NLGN4X: variants seen among roughly 807,000 people sequenced by gnomAD.
NLGN4X encodes neuroligin 4 X-linked.
NLGN4X carries 3 observed loss-of-function variants against 40.3 expected under a neutral mutation model. That is an observed-to-expected ratio of 0.07 (90% CI 0.03 to 0.19). The LOEUF (loss-of-function observed/expected upper bound fraction) is 0.19. Among genes scored for constraint, NLGN4X ranks in the 10% least tolerant of loss-of-function variants. The probability of loss-of-function intolerance (pLI) is 1.00; values close to 1 mark genes in which losing one functional copy is unlikely to be tolerated. For synonymous variants in NLGN4X, 270 were observed against 306.8 expected (o/e 0.88, Z 1.25); for missense variants, 382 against 708.3 (o/e 0.54, Z 5.23).
intron 3 of NLGN4X, among the ~76,000 whole-genome samples, chrX:5,942,315 C>T (rs867761521): frequency 3.6e-5 from 4 of 110,141 alleles, no homozygotes; most frequent in Non-Finnish European, 5.7e-5. Flanking sequence ...GCAGTGGGGG[C>T]GAGCCACATC....
At chrX:6,170,367 C>G (rs756999746) in intron 1 of NLGN4X, among the ~76,000 whole-genome samples, 32 of 112,493 alleles carry the variant, frequency 2.8e-4, no homozygotes, top group African/African-American at 8.4e-4. Context: ...ACTGCCCAGT[C>G]TGCATTGCAG....
chrX:6,219,717 G>C (rs1401277811), intron 1 of NLGN4X, among the ~76,000 whole-genome samples: 1 of 109,035 alleles, frequency 9.2e-6, no homozygotes, highest in Admixed American at 1.0e-4. Context: ...TGAGTGACAA[G>C]GTCTCAGGGA....
intron 3 of NLGN4X, among the ~76,000 whole-genome samples, chrX:5,921,460 G>A (rs2033064718): frequency 9.6e-6 from 1 of 104,350 alleles, no homozygotes; most frequent in African/African-American, 3.5e-5. Context: ...GAGAGAGAGA[G>A]AGGCAGCCTA....
At chrX:6,097,492 T>C (rs1241099811) in intron 2 of NLGN4X, among the ~76,000 whole-genome samples, 2 of 111,438 alleles carry the variant, frequency 1.8e-5, no homozygotes, top group Non-Finnish European at 3.8e-5. Context: ...GAATACCCCC[T>C]TACCCTAAAC....
At chrX:6,140,008 G>A (rs1165138666) in intron 2 of NLGN4X, among the ~76,000 whole-genome samples, 1 of 111,655 alleles carries the variant, frequency 9.0e-6, no homozygotes, top group Non-Finnish European at 1.9e-5. Flanking sequence ...CAAATGGGAT[G>A]TTAGGTGAAT....
At chrX:6,111,167 C>A (rs930242241) in intron 2 of NLGN4X, among the ~76,000 whole-genome samples, 2 of 111,981 alleles carry the variant, frequency 1.8e-5, no homozygotes, top group African/African-American at 6.5e-5. Context: ...TAGATTCACT[C>A]AAGTGCAGAA....
At chrX:6,202,090 G>C (rs1252938486) in intron 1 of NLGN4X, among the ~76,000 whole-genome samples, 1 of 110,621 alleles carries the variant, frequency 9.0e-6, no homozygotes, top group Non-Finnish European at 1.9e-5. Flanking sequence ...GTTACTCAAA[G>C]CAGGAGCAAT....
chrX:6,104,024 A>AT lies in NLGN4X; in HGVS notation c.472+46970dup, dbSNP rs760893861. 1.1e-3 allele frequency among the ~76,000 whole-genome samples: 128 copies of AT among 111,941 alleles called. No homozygotes were observed. In the South Asian group the frequency reaches 0.016, roughly 14 times the overall value. On this transcript the variant is annotated intron_variant, in intron 2 of 5. Transcript: ENST00000381095. ...GTGTGATTTGCATAAGTGTGCATGCATTGTGTGTGTATGTGTGTGCACATA... is the reference window on the plus strand; with the variant it reads ...GTGTGATTTGCATAAGTGTGCATGCATTTGTGTGTGTATGTGTGTGCACATA...
chrX:6,138,163 AC>A (rs981229053), intron 2 of NLGN4X, among the ~76,000 whole-genome samples: 27 of 112,253 alleles, frequency 2.4e-4, no homozygotes, highest in Non-Finnish European at 4.9e-4. Context: ...AAAATATATT[AC>A]TTTTAAAATA....
At chrX:6,152,514 A>G (rs893018713) in intron 1 of NLGN4X, among the ~76,000 whole-genome samples, 1 of 112,019 alleles carries the variant, frequency 8.9e-6, no homozygotes, top group African/African-American at 3.2e-5. Context: ...GTTTTCCAGT[A>G]GGAGAAAGAT....
intron 3 of NLGN4X, among the ~76,000 whole-genome samples, chrX:5,920,603 T>C (rs763061166): frequency 9.0e-6 from 1 of 111,349 alleles, no homozygotes; most frequent in South Asian, 3.8e-4. Flanking sequence ...GTGGTAGGAG[T>C]GGGGATTTGA....
intron 2 of NLGN4X, among the ~76,000 whole-genome samples, chrX:6,086,498 A>C (rs751400421): frequency 7.1e-5 from 8 of 112,164 alleles, no homozygotes; most frequent in Non-Finnish European, 1.5e-4. Context: ...GGAACTTCTG[A>C]GATTCCTTGC....
chrX:5,973,238 GA>G (rs1308282457), intron 3 of NLGN4X, among the ~76,000 whole-genome samples: 1 of 112,329 alleles, frequency 8.9e-6, no homozygotes, highest in African/African-American at 3.2e-5. Flanking sequence ...TGTAAATACA[GA>G]TTTATTGGAA....
intron 2 of NLGN4X, among the ~76,000 whole-genome samples, chrX:6,122,029 C>A (rs2147581717): frequency 8.9e-6 from 1 of 112,294 alleles, no homozygotes; most frequent in African/African-American, 3.2e-5. Context: ...ATTCCTTCTC[C>A]TTCCCTAAGT....
chrX:6,131,207 TA>T (rs1010606216), intron 2 of NLGN4X, among the ~76,000 whole-genome samples: 13 of 109,035 alleles, frequency 1.2e-4, no homozygotes, highest in African/African-American at 2.3e-4. Context: ...ATTCATGCAT[TA>T]AAAAAAAAGA....
At chrX:6,082,061 T>C (rs2038361999) in intron 2 of NLGN4X, among the ~76,000 whole-genome samples, 1 of 112,402 alleles carries the variant, frequency 8.9e-6, no homozygotes, top group African/African-American at 3.2e-5. Context: ...ATTTTAATAA[T>C]ACATTGAATA....
At chrX:6,049,227 A>AAGGGGAAGGGAGGGGAGGGGAGGGG (rs1569207590) in intron 2 of NLGN4X, among the ~76,000 whole-genome samples, 1 of 9,585 alleles carries the variant, frequency 1.0e-4, no homozygotes. Context: ...CAGGCCAGGA[A>AAGGGGAAGGGAGGGGAGGGGAGGGG]AGGGGAGGGG....
At chrX:5,911,393 T>C (rs1175317089) in intron 3 of NLGN4X, among the ~76,000 whole-genome samples, 2 of 112,011 alleles carry the variant, frequency 1.8e-5, no homozygotes, top group Non-Finnish European at 3.8e-5. Flanking sequence ...TGTTTTAACC[T>C]TTCCAAAAGC....
intron 3 of NLGN4X, among the ~76,000 whole-genome samples, chrX:5,996,723 C>T (rs1338191510): frequency 4.5e-5 from 5 of 110,320 alleles, no homozygotes; most frequent in Middle Eastern, 4.7e-3. Flanking sequence ...CTCAGCCTCC[C>T]AAGTAGCTGG....
Sources: gnomAD v4.1 joint callset for allele counts (sites outside exome capture counted in the v4.1 genomes callset) on GRCh38, gnomAD v4.1.1 for gene constraint, MANE v1.5 for transcripts, NCBI Gene and HGNC (gene_info 2026-07-23, HGNC 2026-07-21) for gene names.